Variants in HAPLN2 observed in about 807,000 individuals in gnomAD.
HAPLN2 encodes hyaluronan and proteoglycan link protein 2.
A neutral mutation model predicts 29.3 loss-of-function variants in HAPLN2; 27 were observed. The ratio of observed to expected loss-of-function variants is 0.92; its 90% CI spans 0.68 to 1.27. The LOEUF is 1.27. Among genes scored for constraint, HAPLN2 ranks in the 50% most tolerant of loss-of-function variants. The pLI, the probability that HAPLN2 is intolerant of heterozygous loss-of-function variation, is 0.00. For synonymous variants in HAPLN2, 208 were observed against 211.7 expected, an observed-to-expected ratio of 0.98 and a Z score of 0.15; for missense variants, 454 against 484.3, an observed-to-expected ratio of 0.94 and a Z score of 0.59.
At chr1:156,608,760 C>T in the HAPLN2 span, among the ~76,000 whole-genome samples, 1 of 152,120 alleles carries the variant, frequency 6.6e-6, no homozygotes, top group African/African-American at 2.4e-5. Context: ...CCAGGCTGAT[C>T]TTGAACTCTT....
In HAPLN2 at chr1:156,624,035, G is replaced by A. The variant is rs1678351104; in HGVS notation, c.314G>A (p.Arg105Lys). Residue 105 changes from arginine (R) to lysine (K), a missense_variant, in exon 4 of 7, where the codon AGG becomes AAG. By Grantham distance (26) the Arg-to-Lys change is conservative. Coordinates refer to ENST00000255039, the MANE Select transcript of HAPLN2 (RefSeq NM_021817.3). ...CTGGGAGGGCGCGCCAGGATGCGGA[G>A]GGGGCATCGACTAGACGCCTCCCTG... ...GPLGGRARMR[R>K]GHRLDASLVI... is the part of the protein sequence containing the mutation. The A allele has an allele frequency of 1.9e-6, 3 of 1,612,806 alleles. No homozygotes were observed. Among genetic ancestry groups the A allele is most frequent in the Non-Finnish European group, 2.5e-6 (3 of 1,179,618 alleles).
At chr1:156,608,990 G>T in the HAPLN2 span, among the ~76,000 whole-genome samples, 1 of 152,216 alleles carries the variant, frequency 6.6e-6, no homozygotes, top group Non-Finnish European at 1.5e-5. Context: ...GTAGAGCTGG[G>T]AAGGAGGACC....
upstream of HAPLN2, among the ~76,000 whole-genome samples, chr1:156,617,494 G>A (rs528403508): frequency 3.2e-4 from 48 of 151,794 alleles, no homozygotes; most frequent in Non-Finnish European, 4.6e-4. Flanking sequence ...GATTACAGGC[G>A]CACACCACCA....
intron 2 of HAPLN2, among the ~76,000 whole-genome samples, chr1:156,623,037 A>AAAT (rs1553235325): frequency 7.2e-5 from 8 of 111,434 alleles, no homozygotes; most frequent in African/African-American, 1.6e-4. Flanking sequence ...CTGTCTCAAA[A>AAAT]AAATAAATAA....
At chr1:156,611,206 C>T in the HAPLN2 span, among the ~76,000 whole-genome samples, 7 of 148,618 alleles carry the variant, frequency 4.7e-5, no homozygotes, top group South Asian at 4.4e-4. Context: ...TCAGAGAGGT[C>T]GAGGCTGCAG....
intron 2 of HAPLN2, among the ~76,000 whole-genome samples, chr1:156,620,815 T>G (rs1678195702): frequency 6.6e-6 from 1 of 152,226 alleles, no homozygotes; most frequent in Non-Finnish European, 1.5e-5. Flanking sequence ...GCACCTACTA[T>G]GTACCAGAAA....
chr1:156,625,048 C>G lies in HAPLN2; in HGVS notation c.740-53C>G. The G allele has an allele frequency of 2.6e-6, 4 of 1,518,140 alleles. No individual in the cohort carries two copies. Among genetic ancestry groups the G allele is most frequent in the Non-Finnish European group, 3.5e-6 (4 of 1,138,416 alleles). 94.0% of individuals were successfully genotyped at this position (1,518,140 alleles called of 1,614,324 possible). A position where few individuals can be genotyped will look rare whatever the true frequency, so the allele number is the denominator to read the frequency against. Reference sequence around the variant, plus strand: ...CCCAACTCCGCCTCCTGGGTGTCAGCCGCCCCTCTCCGCCCACCCTGCCCT... The same window carrying G: ...CCCAACTCCGCCTCCTGGGTGTCAGGCGCCCCTCTCCGCCCACCCTGCCCT... On this transcript the variant is annotated intron_variant, in intron 6 of 6. Transcript: ENST00000255039. This position sits in a 1 kb window ranked among gnomAD's most constrained non-coding sequence, Gnocchi z 5.7.
chr1:156,618,758 G>T (rs146012697), upstream of HAPLN2, among the ~76,000 whole-genome samples: 2 of 118,768 alleles, frequency 1.7e-5, no homozygotes, highest in Non-Finnish European at 3.2e-5. Context: ...CAGCCTGAGC[G>T]ACAGTGCGAG....
chr1:156,621,926 A>T (rs2102528098), intron 2 of HAPLN2, among the ~76,000 whole-genome samples: 1 of 151,934 alleles, frequency 6.6e-6, no homozygotes, highest in Admixed American at 6.6e-5. Flanking sequence ...ACTGTGCTCC[A>T]GCCTGGGCAA....
the HAPLN2 span, among the ~76,000 whole-genome samples, chr1:156,602,957 C>T: frequency 6.6e-6 from 1 of 151,986 alleles, no homozygotes; most frequent in African/African-American, 2.4e-5. Flanking sequence ...CACAGGAGAG[C>T]CTTGTCATAA....
chr1:156,604,132 C>T, the HAPLN2 span, among the ~76,000 whole-genome samples: 41 of 151,916 alleles, frequency 2.7e-4, no homozygotes, highest in Non-Finnish European at 5.0e-4. Context: ...GCCTGAAATG[C>T]AGATAACAAG....
upstream of HAPLN2, among the ~76,000 whole-genome samples, chr1:156,614,408 A>G (rs1424009150): frequency 2.0e-5 from 3 of 152,094 alleles, no homozygotes; most frequent in Non-Finnish European, 4.4e-5. Context: ...TAATTTTAGT[A>G]GAGATGGATT....
the HAPLN2 span, among the ~76,000 whole-genome samples, chr1:156,612,346 G>T: frequency 1.3e-5 from 2 of 152,080 alleles, no homozygotes; most frequent in Non-Finnish European, 2.9e-5. Context: ...TGAATGTCTG[G>T]TATATCCAGG....
intron 4 of HAPLN2, 79 bp from the exon 5 acceptor site, chr1:156,624,272 C>G: frequency 1.3e-6 from 2 of 1,508,554 alleles, no homozygotes; most frequent in East Asian, 2.4e-5. Flanking sequence ...ACCCCAGCTC[C>G]CTCTCCCAGG....
At chr1:156,615,798 A>G (rs566764930), upstream of HAPLN2, among the ~76,000 whole-genome samples, 261 of 151,974 alleles carry the variant, frequency 1.7e-3, no homozygotes, top group South Asian at 0.021. Context: ...TCTTGAACTC[A>G]TGACCTTGTG....
In HAPLN2 at chr1:156,624,108, G is replaced by A; in HGVS notation, c.387G>A (p.Glu129=). 1 of 1,613,706 alleles carries A rather than the reference G, an allele frequency of 6.2e-7. No individual in the cohort carries two copies. Among genetic ancestry groups the A allele is most frequent in the Non-Finnish European group, 8.5e-7 (1 of 1,179,924 alleles). ...AGGACGAGGGCCGGTACCGCTGCGA[G>A]CTCATCAACGGCATCGAGGACGAGA... ...RLEDEGRYRC[E]LINGIEDESV... The change falls in exon 4 of 7, where the codon GAG becomes GAA. Residue 129 remains glutamate (E), a synonymous_variant. Transcript: ENST00000255039.
intron 2 of HAPLN2, among the ~76,000 whole-genome samples, chr1:156,621,815 T>C (rs1011596638): frequency 6.6e-6 from 1 of 151,688 alleles, no homozygotes; most frequent in Non-Finnish European, 1.5e-5. Context: ...AGTGGGAGCA[T>C]TGCTTGAGCC....
At position 156,624,790 on chromosome 1, in the gene HAPLN2, C is replaced by T. The variant is rs764676865; in HGVS notation, c.739+7C>T. ...TTCACCTCCGCGCTGGCGGGTGAGG[C>T]GCGGGACGAAGGCAGGGTCTTGGGG... On this transcript the variant is annotated splice_region_variant and intron_variant, in intron 6 of 6. Coordinates refer to ENST00000255039, the MANE Select transcript of HAPLN2 (RefSeq NM_021817.3). 6.7e-7 allele frequency: 1 copy of T among 1,489,706 alleles called. No individual in the cohort carries two copies. Among genetic ancestry groups the T allele is most frequent in the East Asian group, 2.4e-5 (1 of 41,448 alleles). The allele number at this position is 1,489,706 out of a possible 1,614,324, so 92.3% of individuals were successfully genotyped here.
At chr1:156,606,053 G>A in the HAPLN2 span, among the ~76,000 whole-genome samples, 1 of 152,160 alleles carries the variant, frequency 6.6e-6, no homozygotes, top group Non-Finnish European at 1.5e-5. Flanking sequence ...GGAGGCCAAG[G>A]TGGGTGGATC....
Sources: allele counts gnomAD v4.1 joint callset (sites outside exome capture counted in the v4.1 genomes callset), GRCh38; gene constraint gnomAD v4.1.1; non-coding constraint Gnocchi (gnomAD v3.1); transcripts MANE v1.5; gene names NCBI Gene and HGNC (gene_info 2026-07-23, HGNC 2026-07-21).